The following FBXO10 variants were observed in gnomAD, a reference collection of about 807,000 sequenced individuals.
The protein encoded by FBXO10 is F-box only protein 10.
Under a neutral mutation model 80.7 loss-of-function variants are expected in FBXO10, and 39 were observed. The observed-to-expected ratio is 0.48, with a 90% CI of 0.37 to 0.63. The LOEUF is 0.63. Among genes scored for constraint, FBXO10 ranks in the 30% least tolerant of loss-of-function variants. The pLI, the probability that FBXO10 is intolerant of heterozygous loss-of-function variation, is 0.00. For synonymous variants in FBXO10, 449 were observed against 489.6 expected (o/e 0.92, Z 1.09); for missense variants, 1,025 against 1,269.0 (o/e 0.81, Z 2.92).
chr9:37,550,730 C>T (rs765356881), intron 1 of FBXO10, among the ~76,000 whole-genome samples: 3 of 152,160 alleles, frequency 2.0e-5, no homozygotes, highest in Non-Finnish European at 2.9e-5. Context: ...CCACCTACCT[C>T]GGCCTCTCAA....
At chr9:37,546,124 C>G (rs1052330857) in intron 1 of FBXO10, among the ~76,000 whole-genome samples, 2 of 150,538 alleles carry the variant, frequency 1.3e-5, no homozygotes, top group African/African-American at 2.5e-5. Context: ...CCAGCCAGAA[C>G]AAGAGCAAAA....
In FBXO10 at chr9:37,518,392, G is replaced by A. The variant is rs751668500; in HGVS notation, c.2247C>T (p.Thr749=). The change falls in exon 9 of 11, where the codon ACC becomes ACT. Residue 749 remains threonine (T), a synonymous_variant. Transcript: ENST00000432825. ...VQSSEALHVI[T]NVIHANGDRG... The stretch of plus-strand genomic sequence containing the variant: ...TGTCCCCATTCGCGTGGATCACATT[G>A]GTGATGACATGCAGTGCCTCGCTGC... The A allele has an allele frequency of 5.6e-6, 9 of 1,612,826 alleles. No homozygotes were observed. Among genetic ancestry groups the A allele is most frequent in the Non-Finnish European group, 7.6e-6 (9 of 1,179,158 alleles).
rs1821238398 is a variant in FBXO10 at position 37,518,318 on chromosome 9, T to C, written c.2321A>G (p.Asn774Ser). The change falls in exon 9 of 11, where the codon AAC (asparagine) becomes AGC (serine). Residue 774 changes from asparagine to serine, a missense_variant. This residue lies in a region of FBXO10 where 478 missense variants were observed against 667.8 expected (regional missense o/e 0.72). Transcript: ENST00000432825. ...QSSQPTRVAN[N>S]SISCNRQSGV... is the part of the protein sequence containing the mutation. ...ACTTTGCCGGTTGCAGGAGATGCTGTTGTTGGCCACTCGGGTGGGTTGGCT... is the reference window on the plus strand; with the variant it reads ...ACTTTGCCGGTTGCAGGAGATGCTGCTGTTGGCCACTCGGGTGGGTTGGCT... The C allele has an allele frequency of 1.2e-6, 2 of 1,614,052 alleles. No individual in the cohort carries two copies. The highest frequency in any genetic ancestry group is 4.5e-5 in the East Asian group (2 of 44,886).
At chr9:37,571,892 G>C (rs1822769423) in intron 1 of FBXO10, among the ~76,000 whole-genome samples, 1 of 151,498 alleles carries the variant, frequency 6.6e-6, no homozygotes, top group Admixed American at 6.6e-5. Context: ...CCCAGCACTT[G>C]GGGAGGCTGA....
intron 1 of FBXO10, among the ~76,000 whole-genome samples, chr9:37,558,578 GA>G (rs1180149279): frequency 6.6e-6 from 1 of 152,096 alleles, no homozygotes; most frequent in African/African-American, 2.4e-5. Flanking sequence ...AATACAGCAA[GA>G]ACCCCACATA....
At chr9:37,558,634 T>C (rs908564415) in intron 1 of FBXO10, among the ~76,000 whole-genome samples, 5 of 152,126 alleles carry the variant, frequency 3.3e-5, no homozygotes, top group African/African-American at 1.2e-4. Context: ...AACAGTGTTT[T>C]TAAGTAAACG....
At chr9:37,572,938 G>A (rs1233315488) in intron 1 of FBXO10, among the ~76,000 whole-genome samples, 1 of 152,100 alleles carries the variant, frequency 6.6e-6, no homozygotes, top group Non-Finnish European at 1.5e-5. Context: ...TTAAAACCTT[G>A]CCTGCAAAAT....
chr9:37,513,818 G>A (rs1011533462), intron 10 of FBXO10, among the ~76,000 whole-genome samples: 2 of 152,122 alleles, frequency 1.3e-5, no homozygotes, highest in African/African-American at 4.8e-5. Flanking sequence ...TCGAAATCCC[G>A]ACCTCAGGTG....
intron 4 of FBXO10, among the ~76,000 whole-genome samples, chr9:37,531,579 CA>C (rs1287092157): frequency 2.0e-5 from 3 of 152,278 alleles, no homozygotes; most frequent in African/African-American, 7.2e-5. Context: ...TTGTTGGATC[CA>C]AGTGTCTTTA....
chr9:37,526,254 T>C (rs1048495239), intron 5 of FBXO10, among the ~76,000 whole-genome samples: 1 of 152,072 alleles, frequency 6.6e-6, no homozygotes, highest in Non-Finnish European at 1.5e-5. Flanking sequence ...ATATATAACA[T>C]ATAAAAAGAC....
chr9:37,537,540 C>A lies in FBXO10; in HGVS notation c.989G>T (p.Gly330Val). The change falls in exon 3 of 11, where the codon GGC becomes GTC. Residue 330 changes from glycine (G) to valine (V), a missense_variant. Physicochemically the swap from Gly to Val is moderately radical, Grantham distance 109. Transcript: ENST00000432825. ...TGCCTCCTGTGAGCCAGCCTTGGAGCCTGGCTTTGGGGAGCTAGAGGCTGG... is the reference window on the plus strand; with the variant it reads ...TGCCTCCTGTGAGCCAGCCTTGGAGACTGGCTTTGGGGAGCTAGAGGCTGG... Reference protein sequence around the residue: ...TSPASSSPKPGSKAGSQEAEV... With the variant: ...TSPASSSPKPVSKAGSQEAEV... 6.2e-7 allele frequency: 1 copy of A among 1,613,180 alleles called. No individual in the cohort carries two copies. The highest frequency in any genetic ancestry group is 8.5e-7 in the Non-Finnish European group (1 of 1,179,582).
chr9:37,565,884 A>G (rs1319390232), intron 1 of FBXO10, among the ~76,000 whole-genome samples: 1 of 152,232 alleles, frequency 6.6e-6, no homozygotes, highest in African/African-American at 2.4e-5. Flanking sequence ...CAGAGGAAAC[A>G]GCATCAGCAA....
At chr9:37,520,446 C>T (rs886627804) in intron 8 of FBXO10, among the ~76,000 whole-genome samples, 2 of 151,298 alleles carry the variant, frequency 1.3e-5, no homozygotes, top group Admixed American at 6.6e-5. Flanking sequence ...GCGATCCCCC[C>T]GCCTCCTGAG....
At chr9:37,515,107 G>A (rs1821151284) in intron 10 of FBXO10, 1 of 152,182 alleles carries the variant, frequency 6.6e-6, no homozygotes, top group Non-Finnish European at 1.5e-5. Flanking sequence ...AGGGGGACAG[G>A]TGACATTGGC....
intron 1 of FBXO10, among the ~76,000 whole-genome samples, chr9:37,547,992 T>G (rs1050842433): frequency 8.6e-5 from 13 of 151,426 alleles, no homozygotes; most frequent in Non-Finnish European, 1.8e-4. Context: ...GCCAGCAAGG[T>G]GGAGATTAAC....
At chr9:37,513,605 T>G (rs1375011563) in intron 10 of FBXO10, among the ~76,000 whole-genome samples, 1 of 152,008 alleles carries the variant, frequency 6.6e-6, no homozygotes, top group Non-Finnish European at 1.5e-5. Context: ...ATATATTTTT[T>G]CCGAGACGGA....
At position 37,517,944 on chromosome 9, in the gene FBXO10, T is replaced by C. The variant is rs547248258; in HGVS notation, c.2514+181A>G. Among the ~76,000 whole-genome samples, 14 of 150,884 alleles carry C rather than the reference T, an allele frequency of 9.3e-5. No individual in the cohort carries two copies. The South Asian group carries it at 3.0e-3, about 32-fold the overall frequency. On this transcript the variant is annotated intron_variant, in intron 9 of 10. Transcript: ENST00000432825. ...CTTGTTCATCCTTCAGGACTCAGCTTCTCCGTCCCCCCCTGTGGGAAGTCC... is the reference window on the plus strand; with the variant it reads ...CTTGTTCATCCTTCAGGACTCAGCTCCTCCGTCCCCCCCTGTGGGAAGTCC...
At chr9:37,571,144 A>C (rs778748391) in intron 1 of FBXO10, among the ~76,000 whole-genome samples, 2 of 152,338 alleles carry the variant, frequency 1.3e-5, no homozygotes, top group African/African-American at 2.4e-5. Flanking sequence ...ATAAGATTGC[A>C]AAGAAAACAC....
intron 1 of FBXO10, among the ~76,000 whole-genome samples, chr9:37,571,748 T>TATATATATATATA (rs1167585567): frequency 5.4e-3 from 730 of 134,176 alleles, no homozygotes; most frequent in African/African-American, 7.9e-3. Flanking sequence ...TATATATATA[T>TATATATATATATA]TTCCTTATTG....
Sources: gnomAD v4.1 joint callset for allele counts (sites outside exome capture counted in the v4.1 genomes callset) on GRCh38, gnomAD v4.1.1 for gene constraint, gnomAD v4.1.1 regional missense constraint, MANE v1.5 for transcripts, NCBI Gene and HGNC (gene_info 2026-07-23, HGNC 2026-07-21) for gene names.